Variants in LUZP2 observed in about 807,000 individuals in gnomAD.
LUZP2 encodes leucine zipper protein 2.
A neutral mutation model predicts 51.6 loss-of-function variants in LUZP2; 52 were observed. The observed-to-expected ratio is 1.01, with a 90% CI of 0.81 to 1.27. The LOEUF (loss-of-function observed/expected upper bound fraction) is 1.27. Among genes scored for constraint, LUZP2 ranks in the 50% most tolerant of loss-of-function variants. The probability of loss-of-function intolerance (pLI) is 0.00; values close to 1 mark genes in which losing one functional copy is unlikely to be tolerated. For synonymous variants in LUZP2, 154 were observed against 137.3 expected (o/e 1.12, Z -0.85); for missense variants, 436 against 395.4 (o/e 1.10, Z -0.87).
chr11:24,858,350 G>A lies in LUZP2; in HGVS notation c.397-47641G>A, dbSNP rs576866424. ...TGATAAACTATAGCCACTATATTGA[G>A]AGATGCTATTTATCTTTAAAGATAA... is the stretch of plus-strand genomic sequence containing the variant. On this transcript the variant is annotated intron_variant, in intron 5 of 11. Transcript: ENST00000336930. 3.3e-5 allele frequency among the ~76,000 whole-genome samples: 5 copies of A among 152,134 alleles called. No individual in the cohort carries two copies. In the South Asian group the frequency reaches 6.2e-4, roughly 19 times the overall value.
chr11:25,066,614 G>T (rs76187334), intron 10 of LUZP2, among the ~76,000 whole-genome samples: 8,977 of 151,884 alleles, frequency 0.059, 593 homozygotes, highest in African/African-American at 0.16. Context: ...TCACATATTT[G>T]TGTGGGGGAG....
chr11:24,601,328 A>C lies in LUZP2; in HGVS notation c.62+104023A>C, dbSNP rs545280232. On this transcript the variant is annotated intron_variant, in intron 1 of 11. Coordinates refer to ENST00000336930, the MANE Select transcript of LUZP2 (RefSeq NM_001009909.4). ...CAGAAATGTCAGCTGTGTGGTACTCAATTTCTGATCTATAGAATTGTAGAT... is the reference window on the plus strand; with the variant it reads ...CAGAAATGTCAGCTGTGTGGTACTCCATTTCTGATCTATAGAATTGTAGAT... 1.1e-4 allele frequency among the ~76,000 whole-genome samples: 17 copies of C among 152,150 alleles called. 1 individual carries two copies. The highest frequency in any genetic ancestry group is 3.6e-4 in the African/African-American group (15 of 41,566).
chr11:25,053,156 C>G (rs1376617082), intron 10 of LUZP2, among the ~76,000 whole-genome samples: 2 of 151,978 alleles, frequency 1.3e-5, no homozygotes, highest in African/African-American at 2.4e-5. Context: ...GAGAGAGCCC[C>G]AGGATTCTGT....
chr11:24,801,400 T>G (rs1290896029), intron 5 of LUZP2, among the ~76,000 whole-genome samples: 2 of 152,030 alleles, frequency 1.3e-5, no homozygotes, highest in Non-Finnish European at 2.9e-5. Context: ...ATTTCCAGGT[T>G]TTGGTGATGT....
intron 9 of LUZP2, among the ~76,000 whole-genome samples, chr11:25,021,945 T>C (rs891361447): frequency 2.6e-5 from 4 of 152,066 alleles, no homozygotes; most frequent in Admixed American, 2.6e-4. Context: ...CACTCATGTC[T>C]TCCACTCCAA....
At chr11:24,984,524 TTATA>T (rs1209500084) in intron 9 of LUZP2, among the ~76,000 whole-genome samples, 3 of 90,054 alleles carry the variant, frequency 3.3e-5, no homozygotes, top group African/African-American at 1.2e-4. Context: ...ATTACATATT[TTATA>T]TATATATATA....
At chr11:25,011,051 T>C (rs142718889) in intron 9 of LUZP2, among the ~76,000 whole-genome samples, 1 of 152,124 alleles carries the variant, frequency 6.6e-6, no homozygotes, top group East Asian at 1.9e-4. Context: ...AATCCAATAT[T>C]GATGTCATCA....
At chr11:24,809,763 G>A (rs1321314538) in intron 5 of LUZP2, among the ~76,000 whole-genome samples, 2 of 151,992 alleles carry the variant, frequency 1.3e-5, no homozygotes, top group South Asian at 4.1e-4. Flanking sequence ...GTGTGTGTTA[G>A]ATTTATGTGT....
At chr11:25,002,126 C>A (rs1413553201) in intron 9 of LUZP2, among the ~76,000 whole-genome samples, 2 of 152,186 alleles carry the variant, frequency 1.3e-5, no homozygotes, top group Non-Finnish European at 2.9e-5. Flanking sequence ...CACATTTATT[C>A]TTTTCCCCTT....
At chr11:24,926,744 G>A (rs1312150121) in intron 7 of LUZP2, among the ~76,000 whole-genome samples, 1 of 150,448 alleles carries the variant, frequency 6.6e-6, no homozygotes, top group Non-Finnish European at 1.5e-5. Flanking sequence ...TTTTCCTGTG[G>A]TTAGATGCCC....
At position 24,722,916 on chromosome 11, in the gene LUZP2, TA is replaced by T. The variant is rs548606370; in HGVS notation, c.63-6243del. ...TGGGCAACAGAGTGAGACCTCATAT[TA>T]AAAAAAAAAGAGAGAGAGAGAGATT... On this transcript the variant is annotated intron_variant, in intron 1 of 11. Coordinates refer to ENST00000336930, the MANE Select transcript of LUZP2 (RefSeq NM_001009909.4). 1.4e-4 allele frequency among the ~76,000 whole-genome samples: 21 copies of T among 145,096 alleles called. 1 individual carries two copies. Among genetic ancestry groups the T allele is most frequent in the East Asian group, 6.0e-4 (3 of 4,986 alleles).
Position 24,710,352 on chromosome 11 carries a change from C to T in LUZP2, c.63-18817C>T, listed in dbSNP as rs920717747. ...CAGAATGGCAGAATCTGAAACCACT[C>T]AGCATAAAAGGCTTGCAAAATCAAT... is the stretch of plus-strand genomic sequence containing the variant. On this transcript the variant is annotated intron_variant, in intron 1 of 11. Coordinates refer to ENST00000336930, the MANE Select transcript of LUZP2 (RefSeq NM_001009909.4). Among the ~76,000 whole-genome samples, 7 of 152,018 alleles carry T rather than the reference C, an allele frequency of 4.6e-5. 1 individual carries two copies. The highest frequency in any genetic ancestry group is 1.7e-4 in the African/African-American group (7 of 41,372).
intron 1 of LUZP2, among the ~76,000 whole-genome samples, chr11:24,669,539 A>T (rs1856333026): frequency 1.3e-5 from 2 of 149,404 alleles, no homozygotes; most frequent in Non-Finnish European, 1.5e-5. Context: ...AATCTTTTCT[A>T]TTTTTTTTTT....
chr11:24,891,375 T>C, intron 5 of LUZP2: 4 of 932,822 alleles, frequency 4.3e-6, no homozygotes, highest in Non-Finnish European at 5.1e-6. Context: ...TACACATATA[T>C]ACACTATGTT....
intron 1 of LUZP2, among the ~76,000 whole-genome samples, chr11:24,712,315 G>T (rs993234630): frequency 2.6e-5 from 4 of 151,904 alleles, no homozygotes; most frequent in Non-Finnish European, 5.9e-5. Flanking sequence ...CACATACTCA[G>T]TAGGCTAAGG....
chr11:24,668,325 A>G (rs529211844), intron 1 of LUZP2, among the ~76,000 whole-genome samples: 5 of 152,344 alleles, frequency 3.3e-5, no homozygotes, highest in Admixed American at 3.3e-4. Context: ...TCTGGATTTC[A>G]GGCATGGCTA....
intron 7 of LUZP2, 50 bp downstream of exon 7, chr11:24,914,588 A>C (rs774389824): frequency 3.3e-6 from 4 of 1,200,872 alleles, no homozygotes; most frequent in Non-Finnish European, 4.8e-6. Flanking sequence ...TCAATACCTA[A>C]AATATCAAAA....
At chr11:24,657,787 AAC>A (rs1364749227) in intron 1 of LUZP2, among the ~76,000 whole-genome samples, 1 of 152,020 alleles carries the variant, frequency 6.6e-6, no homozygotes, top group Non-Finnish European at 1.5e-5. Flanking sequence ...ACCATTAACA[AAC>A]AGAGAGCCAA....
At chr11:24,599,730 A>T (rs1853557674) in intron 1 of LUZP2, among the ~76,000 whole-genome samples, 1 of 152,190 alleles carries the variant, frequency 6.6e-6, no homozygotes, top group Non-Finnish European at 1.5e-5. Context: ...GAAACATCTG[A>T]GAGTCTCATC....
Sources: gnomAD v4.1 joint callset for allele counts (sites outside exome capture counted in the v4.1 genomes callset) on GRCh38, gnomAD v4.1.1 for gene constraint, MANE v1.5 for transcripts, NCBI Gene and HGNC (gene_info 2026-07-23, HGNC 2026-07-21) for gene names.